The following EFNA5 variants were observed in gnomAD, a reference collection of about 807,000 sequenced individuals.
EFNA5 encodes ephrin-A5.
In EFNA5, 5 loss-of-function variants were observed where a neutral mutation model predicts 22.9. The ratio of observed to expected loss-of-function variants is 0.22; its 90% CI spans 0.11 to 0.46. EFNA5 has a LOEUF of 0.46. Among genes scored for constraint, EFNA5 ranks in the 20% least tolerant of loss-of-function variants. The pLI is 0.99. For synonymous variants in EFNA5, 113 were observed against 112.2 expected (o/e 1.01, Z -0.04); for missense variants, 237 against 293.3 (o/e 0.81, Z 1.40).
chr5:107,483,329 C>T (rs1750537788), intron 1 of EFNA5, among the ~76,000 whole-genome samples: 1 of 152,150 alleles, frequency 6.6e-6, no homozygotes, highest in South Asian at 2.1e-4. Flanking sequence ...ATCCACCTGG[C>T]TTAATTATAT....
intron 1 of EFNA5, among the ~76,000 whole-genome samples, chr5:107,572,793 C>T (rs915178583): frequency 2.6e-5 from 4 of 152,154 alleles, no homozygotes; most frequent in Non-Finnish European, 1.5e-5. Context: ...TCCTTTTCAC[C>T]TAATTCTTTG....
At chr5:107,622,082 G>A (rs1416047286) in intron 1 of EFNA5, among the ~76,000 whole-genome samples, 1 of 151,580 alleles carries the variant, frequency 6.6e-6, no homozygotes, top group African/African-American at 2.4e-5. Context: ...TATTTCCCCT[G>A]GCAAGTAGGT....
chr5:107,664,287 G>C (rs1236661050), intron 1 of EFNA5, among the ~76,000 whole-genome samples: 1 of 152,116 alleles, frequency 6.6e-6, no homozygotes, highest in East Asian at 1.9e-4. Flanking sequence ...GAAAAAACTT[G>C]ATTAATTTTT....
At chr5:107,590,085 A>AC (rs1749285498) in intron 1 of EFNA5, among the ~76,000 whole-genome samples, 1 of 120,626 alleles carries the variant, frequency 8.3e-6, no homozygotes, top group African/African-American at 3.4e-5. Flanking sequence ...GACAAATCAT[A>AC]CTTCCATACC....
At chr5:107,560,605 C>A (rs957870113) in intron 1 of EFNA5, among the ~76,000 whole-genome samples, 23 of 152,184 alleles carry the variant, frequency 1.5e-4, no homozygotes, top group Admixed American at 6.5e-5. Flanking sequence ...TCTTAAATAT[C>A]CGTTCTAGTT....
chr5:107,524,868 C>G (rs1394455050), intron 1 of EFNA5, among the ~76,000 whole-genome samples: 1 of 152,084 alleles, frequency 6.6e-6, no homozygotes, highest in Non-Finnish European at 1.5e-5. Flanking sequence ...CAGAGTCACC[C>G]TAGAAATTTC....
intron 1 of EFNA5, among the ~76,000 whole-genome samples, chr5:107,632,959 T>C (rs1017122769): frequency 6.6e-6 from 1 of 152,212 alleles, no homozygotes; most frequent in Admixed American, 6.5e-5. Flanking sequence ...TTTCTTTCTA[T>C]GCCTTTAATC....
intron 1 of EFNA5, among the ~76,000 whole-genome samples, chr5:107,445,154 C>T (rs539946712): frequency 1.4e-4 from 21 of 152,132 alleles, no homozygotes; most frequent in African/African-American, 4.3e-4. Context: ...TCCCGAGTAG[C>T]TTGGATTACA....
At chr5:107,591,914 A>ATATAT (rs1749346680) in intron 1 of EFNA5, among the ~76,000 whole-genome samples, 22 of 7,044 alleles carry the variant, frequency 3.1e-3, no homozygotes, top group African/African-American at 0.024. Flanking sequence ...ATAATATAAA[A>ATATAT]AATATATATA....
chr5:107,635,874 A>T lies in EFNA5; in HGVS notation c.125+34615T>A, dbSNP rs148034347. Among the ~76,000 whole-genome samples the T allele has an allele frequency of 2.5e-4, 38 of 152,334 alleles. No individual in the cohort carries two copies. In the East Asian group the frequency reaches 6.9e-3, roughly 28 times the overall value. On this transcript the variant is annotated intron_variant, in intron 1 of 4. Coordinates refer to ENST00000333274, the MANE Select transcript of EFNA5 (RefSeq NM_001962.3). ...GAGTGAGCCAACATTCAACAAGGTC[A>T]TGCTAGTTCACCCAGATTGTGGGCA...
At chr5:107,482,199 G>C (rs988476033) in intron 1 of EFNA5, among the ~76,000 whole-genome samples, 1 of 151,674 alleles carries the variant, frequency 6.6e-6, no homozygotes, top group Non-Finnish European at 1.5e-5. Context: ...CCAGTTATTG[G>C]AGAGGTTGAG....
At chr5:107,578,002 T>C (rs909767784) in intron 1 of EFNA5, among the ~76,000 whole-genome samples, 7 of 152,324 alleles carry the variant, frequency 4.6e-5, no homozygotes, top group African/African-American at 1.7e-4. Flanking sequence ...GATAAGATTA[T>C]AAAAGATTTC....
At chr5:107,579,470 C>T (rs1435828802) in intron 1 of EFNA5, among the ~76,000 whole-genome samples, 1 of 151,792 alleles carries the variant, frequency 6.6e-6, no homozygotes, top group East Asian at 1.9e-4. Context: ...CAGTGTTTCT[C>T]TTTAGAACTG....
At chr5:107,563,911 A>G (rs1481178538) in intron 1 of EFNA5, among the ~76,000 whole-genome samples, 7 of 152,236 alleles carry the variant, frequency 4.6e-5, no homozygotes, top group African/African-American at 1.2e-4. Flanking sequence ...TTCGCAAGTC[A>G]TCAGAACCCT....
chr5:107,466,503 G>C (rs1328105679), intron 1 of EFNA5, among the ~76,000 whole-genome samples: 1 of 152,152 alleles, frequency 6.6e-6, no homozygotes, highest in African/African-American at 2.4e-5. Context: ...AGGAGAACAA[G>C]GCTGATGTCA....
At chr5:107,632,005 ACTTCACAG>A (rs368638099) in intron 1 of EFNA5, among the ~76,000 whole-genome samples, 129 of 152,336 alleles carry the variant, frequency 8.5e-4, no homozygotes, top group Admixed American at 1.7e-3. Context: ...TGCTGGCCAC[ACTTCACAG>A]CCTTCCAGCC....
intron 1 of EFNA5, among the ~76,000 whole-genome samples, chr5:107,601,757 C>T (rs576679579): frequency 2.0e-5 from 3 of 152,198 alleles, no homozygotes; most frequent in South Asian, 2.1e-4. Flanking sequence ...TCCTTTTGAT[C>T]GTTACCTTTA....
chr5:107,482,826 GTCTCTGTCTCTC>G (rs1750511798), intron 1 of EFNA5, among the ~76,000 whole-genome samples: 6 of 65,030 alleles, frequency 9.2e-5, no homozygotes, highest in East Asian at 4.1e-4. Flanking sequence ...CTCTCTCTCT[GTCTCTGTCTCTC>G]TCTCTCTCTC....
intron 1 of EFNA5, among the ~76,000 whole-genome samples, chr5:107,487,937 A>G (rs1017440971): frequency 2.0e-5 from 3 of 152,242 alleles, no homozygotes; most frequent in African/African-American, 7.2e-5. Context: ...TATATCCAAC[A>G]TTACATGGGA....
Sources: gnomAD v4.1 joint callset for allele counts (sites outside exome capture counted in the v4.1 genomes callset) on GRCh38, gnomAD v4.1.1 for gene constraint, MANE v1.5 for transcripts, NCBI Gene and HGNC (gene_info 2026-07-23, HGNC 2026-07-21) for gene names.